The following ZNF300 variants were observed in gnomAD, a reference collection of about 807,000 sequenced individuals.
The protein encoded by ZNF300 is zinc finger protein 300.
ZNF300 carries 6 observed loss-of-function variants against 13.9 expected under a neutral mutation model. The observed-to-expected ratio is 0.43, with a 90% CI of 0.24 to 0.85. ZNF300 has a LOEUF of 0.85. Ranked by LOEUF, ZNF300 falls within the 40% of genes least tolerant of loss-of-function variation. ZNF300 has a pLI of 0.25. For missense variants in ZNF300, 662 were observed against 714.2 expected (o/e 0.93, Z 0.83); for synonymous variants, 237 against 242.2 (o/e 0.98, Z 0.20).
rs770590149 is a variant in ZNF300 at position 150,896,926 on chromosome 5, C to T, written c.313G>A (p.Val105Ile). Residue 105 changes from valine to isoleucine, a missense_variant, in exon 6 of 6, where the codon GTT becomes ATT. Transcript: ENST00000274599. The stretch of plus-strand genomic sequence containing the variant: ...TTCAGTATCTTATGATGGAAGGAAA[C>T]TGTCCCCAAAATACATGACTGGGAG... ...HNSQSCILGT[V>I]SFHHKILKGV... 17 of 1,613,114 alleles carry T rather than the reference C, an allele frequency of 1.1e-5. No homozygotes were observed. The Admixed American group carries it at 2.8e-4, about 27-fold the overall frequency.
At chr5:150,897,880 A>T (rs1754849330) in intron 5 of ZNF300, 182 bp downstream of exon 5, 1 of 644,756 alleles carries the variant, frequency 1.6e-6, no homozygotes, top group Non-Finnish European at 2.5e-6. Context: ...AAACATATAT[A>T]TATACACACA....
Position 150,896,053 on chromosome 5 carries a change from G to A in ZNF300, c.1186C>T (p.Leu396=), listed in dbSNP as rs557353484. 4 of 1,613,532 alleles carry A rather than the reference G, an allele frequency of 2.5e-6. No individual in the cohort carries two copies. The African/African-American group carries it at 4.0e-5, about 16-fold the overall frequency. The change falls in exon 6 of 6, where the codon CTG becomes TTG. Residue 396 remains leucine (L), a synonymous_variant. Coordinates refer to ENST00000274599, the MANE Select transcript of ZNF300 (RefSeq NM_052860.4). ...GTATGAGCTCTGTGGTGTATAATCA[G>A]CTGTGACTTCTGGGAAAAGGCCTTC... ...CGKAFSQKSQ[L]IIHHRAHTGE...
rs1754678893 is a variant in ZNF300, at chr5:150,894,464, C to T, written c.*960G>A. On this transcript the variant is annotated 3_prime_UTR_variant, in exon 6 of 6. Coordinates refer to ENST00000274599, the MANE Select transcript of ZNF300 (RefSeq NM_052860.4). ...TAAATCCAAGTATTAAAAAACACAA[C>T]CTTAACATAGCAAAAATAAGGCCAC... 6.6e-6 allele frequency: 1 copy of T among 152,130 alleles called. No individual in the cohort carries two copies. The allele number at this position is 152,130 out of a possible 1,614,324, so 9.4% of individuals were successfully genotyped here.
chr5:150,903,057 T>C, intron 3 of ZNF300, 84 bp downstream of exon 3: 1 of 1,403,030 alleles, frequency 7.1e-7, no homozygotes, highest in Non-Finnish European at 9.9e-7. Context: ...TTTTCCTTCA[T>C]CCAGATTTTA....
Position 150,898,475 on chromosome 5 carries a change from A to C in ZNF300, c.95T>G (p.Leu32Arg). ...WQQLDPSQRT[L>R]YRDVMLENYS... is the part of the protein sequence containing the mutation. ...GTTCTCCAGCATCACATCCCTGTAC[A>C]GGGTCCTCTGAGAAGGGTCAAGTTG... Residue 32 changes from leucine (L) to arginine (R), a missense_variant, in exon 4 of 6, where the codon CTG (leucine) becomes CGG (arginine). By Grantham distance (102) the Leu-to-Arg change is moderately radical. Transcript: ENST00000274599. The C allele has an allele frequency of 6.2e-7, 1 of 1,613,344 alleles. No homozygotes were observed.
Position 150,904,965 on chromosome 5 carries a change from G to T in ZNF300, c.-403C>A, listed in dbSNP as rs938832550. 1 of 152,310 alleles carries T rather than the reference G, an allele frequency of 6.6e-6. No individual in the cohort carries two copies. Among genetic ancestry groups the T allele is most frequent in the Non-Finnish European group, 1.5e-5 (1 of 68,124 alleles). The allele number at this position is 152,310 out of a possible 1,614,324, so 9.4% of individuals were successfully genotyped here. On this transcript the variant is annotated 5_prime_UTR_variant, in exon 1 of 6. Transcript: ENST00000274599. ...TCCGCATGGGGCCGCCATCTTGAGAGCCCGGTCGTCTTCGTACTAGCGGAG... is the reference window on the plus strand; with the variant it reads ...TCCGCATGGGGCCGCCATCTTGAGATCCCGGTCGTCTTCGTACTAGCGGAG...
Position 150,896,689 on chromosome 5 carries a change from A to T in ZNF300, c.550T>A (p.Phe184Ile). 2 of 1,613,520 alleles carry T rather than the reference A, an allele frequency of 1.2e-6. No homozygotes were observed. The highest frequency in any genetic ancestry group is 3.3e-5 in the Admixed American group (2 of 59,880). ...CIETDISIQR[F>I]HKYDAFKKNL... The stretch of plus-strand genomic sequence containing the variant: ...TTTTTAAAAGCATCATATTTATGGA[A>T]TCTCTGTATTGATATATCTGTTTCT... The change falls in exon 6 of 6, where the codon TTC (phenylalanine) becomes ATC (isoleucine). Residue 184 changes from phenylalanine (F) to isoleucine (I), a missense_variant. Transcript: ENST00000274599.
intron 3 of ZNF300, chr5:150,900,509 T>A (rs554171070): frequency 7.9e-5 from 12 of 152,140 alleles, no homozygotes; most frequent in Non-Finnish European, 1.8e-4. Flanking sequence ...AACTTTTATG[T>A]GTTAATGTTA....
intron 2 of ZNF300, 151 bp from the exon 3 acceptor site, chr5:150,903,333 G>A (rs753201766): frequency 6.4e-7 from 1 of 1,558,516 alleles, no homozygotes; most frequent in South Asian, 1.2e-5. Flanking sequence ...CCTTACAGAA[G>A]TCTCAGCAGG....
Position 150,894,997 on chromosome 5 carries a change from C to CCCTT in ZNF300, c.*423_*426dup. 2 of 154,586 alleles carry CCCTT rather than the reference C, an allele frequency of 1.3e-5. No homozygotes were observed. Among genetic ancestry groups the CCCTT allele is most frequent in the East Asian group, 3.7e-4 (2 of 5,360 alleles). 9.6% of individuals were successfully genotyped at this position (154,586 alleles called of 1,614,324 possible). ...GTAGCTTTAGGGGTCATGCTCAAGCCCCTTCTTAAAATAGTGTATAGGTTT... is the reference window on the plus strand; with the variant it reads ...GTAGCTTTAGGGGTCATGCTCAAGCCCCTTCCTTCTTAAAATAGTGTATAGGTTT... On this transcript the variant is annotated 3_prime_UTR_variant, in exon 6 of 6. Coordinates refer to ENST00000274599, the MANE Select transcript of ZNF300 (RefSeq NM_052860.4).
chr5:150,899,111 A>G (rs932126503), intron 3 of ZNF300, among the ~76,000 whole-genome samples: 1 of 152,104 alleles, frequency 6.6e-6, no homozygotes, highest in Non-Finnish European at 1.5e-5. Context: ...TAAAGAAGCC[A>G]AGGAGAGAGG....
At position 150,895,735 on chromosome 5, in the gene ZNF300, A is replaced by G; in HGVS notation, c.1504T>C (p.Phe502Leu). Residue 502 changes from phenylalanine to leucine, a missense_variant, in exon 6 of 6, where the codon TTC (phenylalanine) becomes CTC (leucine). Physicochemically the swap from Phe to Leu is conservative, Grantham distance 22. Coordinates refer to ENST00000274599, the MANE Select transcript of ZNF300 (RefSeq NM_052860.4). ...PYKCSECGKA[F>L]CQKSHLIGHQ... ...CCAATGAGATGTGACTTCTGGCAGA[A>G]GGCTTTGCCACATTCACTACATTTA... 1 of 1,613,670 alleles carries G rather than the reference A, an allele frequency of 6.2e-7. No individual in the cohort carries two copies. Among genetic ancestry groups the G allele is most frequent in the Non-Finnish European group, 8.5e-7 (1 of 1,179,848 alleles).
intron 3 of ZNF300, among the ~76,000 whole-genome samples, chr5:150,902,392 T>TA (rs1197481096): frequency 4.6e-5 from 7 of 152,194 alleles, no homozygotes; most frequent in Non-Finnish European, 7.4e-5. Flanking sequence ...GTGCCTATCT[T>TA]ACGTTAATGA....
chr5:150,896,311 A>G lies in ZNF300; in HGVS notation c.928T>C (p.Phe310Leu), dbSNP rs532631577. 1 of 1,613,658 alleles carries G rather than the reference A, an allele frequency of 6.2e-7. No individual in the cohort carries two copies. The highest frequency in any genetic ancestry group is 1.1e-5 in the South Asian group (1 of 91,050). ...GACGKAFSEK[F>L]HLVVHQRTHT... Reference sequence around the variant, plus strand: ...GTTCTCTGATGTACAACAAGATGAAACTTCTCACTGAAGGCTTTTCCGCAT... The same window carrying G: ...GTTCTCTGATGTACAACAAGATGAAGCTTCTCACTGAAGGCTTTTCCGCAT... The change falls in exon 6 of 6, where the codon TTT becomes CTT. Residue 310 changes from phenylalanine (F) to leucine (L), a missense_variant. Coordinates refer to ENST00000274599, the MANE Select transcript of ZNF300 (RefSeq NM_052860.4).
At chr5:150,903,559 A>G (rs1197351939) in intron 2 of ZNF300, among the ~76,000 whole-genome samples, 1 of 152,220 alleles carries the variant, frequency 6.6e-6, no homozygotes, top group Non-Finnish European at 1.5e-5. Context: ...ATAAGTGAAG[A>G]TGGAGCTCCT....
At chr5:150,898,918 C>T (rs2113022220) in intron 3 of ZNF300, among the ~76,000 whole-genome samples, 1 of 151,960 alleles carries the variant, frequency 6.6e-6, no homozygotes, top group East Asian at 1.9e-4. Context: ...AAGTCCTAAC[C>T]CCCAGTACCT....
In ZNF300 at chr5:150,895,708, G is replaced by C. The variant is rs1337776992; in HGVS notation, c.1531C>G (p.His511Asp). 3 of 1,613,470 alleles carry C rather than the reference G, an allele frequency of 1.9e-6. No homozygotes were observed. In the African/African-American group the frequency reaches 4.0e-5, roughly 22 times the overall value. ...TTTTCTCCTGTGTGAATTCTCTGAT[G>C]TCCAATGAGATGTGACTTCTGGCAG... ...AFCQKSHLIGHQRIHTGEKPY... is the reference protein window; with the variant it reads ...AFCQKSHLIGDQRIHTGEKPY... Residue 511 changes from histidine (H) to aspartate (D), a missense_variant, in exon 6 of 6, where the codon CAT (histidine) becomes GAT (aspartate). Coordinates refer to ENST00000274599, the MANE Select transcript of ZNF300 (RefSeq NM_052860.4).
At chr5:150,898,978 A>ATT in intron 3 of ZNF300, among the ~76,000 whole-genome samples, 1 of 152,114 alleles carries the variant, frequency 6.6e-6, no homozygotes, top group Non-Finnish European at 1.5e-5. Flanking sequence ...ATACCTAGCC[A>ATT]TATGAGGTAT....
In ZNF300 at chr5:150,895,465, G is replaced by A. The variant is rs1754721944; in HGVS notation, c.1774C>T (p.Leu592=). The change falls in exon 6 of 6, where the codon CTA becomes TTA. Residue 592 remains leucine, a synonymous_variant. Coordinates refer to ENST00000274599, the MANE Select transcript of ZNF300 (RefSeq NM_052860.4). ...CGKAFIQKSQ[L]TVHQRIHTVV... is the part of the protein sequence containing the mutation. The stretch of plus-strand genomic sequence containing the variant: ...GTGTGAATTCTCTGGTGTACAGTTA[G>A]TTGTGACTTCTGGATGAAGGCCTTC... 1 of 1,612,384 alleles carries A rather than the reference G, an allele frequency of 6.2e-7. No homozygotes were observed. The highest frequency in any genetic ancestry group is 8.5e-7 in the Non-Finnish European group (1 of 1,179,012).
Sources: gnomAD v4.1 joint callset for allele counts (sites outside exome capture counted in the v4.1 genomes callset) on GRCh38, gnomAD v4.1.1 for gene constraint, MANE v1.5 for transcripts, NCBI Gene and HGNC (gene_info 2026-07-23, HGNC 2026-07-21) for gene names.